Variants in NDUFS1 observed in about 807,000 individuals in gnomAD.
NDUFS1 encodes the protein NADH:ubiquinone oxidoreductase core subunit S1.
Under a neutral mutation model 84.4 loss-of-function variants are expected in NDUFS1, and 61 were observed. The observed-to-expected ratio is 0.72, with a 90% CI of 0.59 to 0.89. The LOEUF is 0.89. Among genes scored for constraint, NDUFS1 ranks in the 40% least tolerant of loss-of-function variants. The pLI is 0.00. For synonymous variants in NDUFS1, 275 were observed against 290.0 expected (o/e 0.95, Z 0.53); for missense variants, 891 against 890.0 (o/e 1.00, Z -0.01).
At chr2:206,134,138 G>A (rs1014514729) in intron 13 of NDUFS1, among the ~76,000 whole-genome samples, 2 of 152,156 alleles carry the variant, frequency 1.3e-5, no homozygotes, top group East Asian at 1.9e-4. Flanking sequence ...AATCACAAGA[G>A]GAATTTGCCA....
At chr2:206,145,365 A>G (rs1038661092) in intron 8 of NDUFS1, among the ~76,000 whole-genome samples, 3 of 152,104 alleles carry the variant, frequency 2.0e-5, no homozygotes, top group Non-Finnish European at 2.9e-5. Context: ...GTCTCAAGCA[A>G]TCCTCCCACC....
chr2:206,134,615 A>G (rs13393316), intron 13 of NDUFS1, among the ~76,000 whole-genome samples: 20,363 of 152,052 alleles, frequency 0.13, 1,551 homozygotes, highest in Admixed American at 0.23. Context: ...GAAAGAAAAC[A>G]TGATTAAATA....
chr2:206,144,783 G>C (rs1051104602), intron 9 of NDUFS1, 109 bp downstream of exon 9: 3 of 1,136,674 alleles, frequency 2.6e-6, no homozygotes, highest in South Asian at 1.4e-5. Context: ...GATTCCAGTA[G>C]TCTATATTCA....
Position 206,119,917 on chromosome 2 carries a change from G to C in NDUFS1, c.*4268C>G, listed in dbSNP as rs936088942. 1 of 152,030 alleles carries C rather than the reference G, an allele frequency of 6.6e-6. No homozygotes were observed. The highest frequency in any genetic ancestry group is 2.4e-5 in the African/African-American group (1 of 41,380). 9.4% of individuals were successfully genotyped at this position (152,030 alleles called of 1,614,324 possible). ...TGTTGAAATGTAACCCCCAATGCTG[G>C]AGGTAGGGCCTCGTGGGAGGTATAG... is the stretch of plus-strand genomic sequence containing the variant. On this transcript the variant is annotated 3_prime_UTR_variant, in exon 19 of 19. Coordinates refer to ENST00000233190, the MANE Select transcript of NDUFS1 (RefSeq NM_005006.7).
chr2:206,158,839 T>TA (rs1236638189), intron 1 of NDUFS1, among the ~76,000 whole-genome samples: 1 of 152,068 alleles, frequency 6.6e-6, no homozygotes, highest in Non-Finnish European at 1.5e-5. Flanking sequence ...GTTAAAGGAA[T>TA]AAAAAAATGC....
rs1253293525 is a variant in NDUFS1, at chr2:206,122,236, A to T, written c.*1949T>A. 6.6e-6 allele frequency: 1 copy of T among 151,926 alleles called. No individual in the cohort carries two copies. Among genetic ancestry groups the T allele is most frequent in the Non-Finnish European group, 1.5e-5 (1 of 68,018 alleles). The allele number at this position is 151,926 out of a possible 1,614,324, so 9.4% of individuals were successfully genotyped here. The stretch of plus-strand genomic sequence containing the variant: ...CTGATCTTCCTGCCTTGAACCCCCA[A>T]AATGCTGGGCTTACAGGTGTGAGCC... On this transcript the variant is annotated 3_prime_UTR_variant, in exon 19 of 19. Transcript: ENST00000233190.
rs987526686 is a variant in NDUFS1, at chr2:206,117,876, C to T, written c.*6309G>A. The T allele has an allele frequency of 6.6e-6, 1 of 151,912 alleles. No individual in the cohort carries two copies. Among genetic ancestry groups the T allele is most frequent in the Admixed American group, 6.6e-5 (1 of 15,234 alleles). 9.4% of individuals were successfully genotyped at this position (151,912 alleles called of 1,614,324 possible). On this transcript the variant is annotated 3_prime_UTR_variant, in exon 19 of 19. Coordinates refer to ENST00000233190, the MANE Select transcript of NDUFS1 (RefSeq NM_005006.7). Reference sequence around the variant, plus strand: ...ATACTAAAATTTTTTTTTGTATAGTCCTTTACAGATCCAAAATTATGATTT... The same window carrying T: ...ATACTAAAATTTTTTTTTGTATAGTTCTTTACAGATCCAAAATTATGATTT...
intron 2 of NDUFS1, among the ~76,000 whole-genome samples, chr2:206,153,252 G>A (rs1692445453): frequency 6.7e-6 from 1 of 149,746 alleles, no homozygotes. Flanking sequence ...CTGGAGTGCA[G>A]TGGTACAATC....
In NDUFS1 at chr2:206,115,809, A is replaced by G; in HGVS notation, c.*8376T>C. 2.4e-6 allele frequency: 1 copy of G among 414,170 alleles called. No homozygotes were observed. 25.7% of individuals were successfully genotyped at this position (414,170 alleles called of 1,614,324 possible). The stretch of plus-strand genomic sequence containing the variant: ...TATAAGGCTTAAGAATAACAACATT[A>G]TCTTTGAATTATGTAATTTTTGTAA... On this transcript the variant is annotated 3_prime_UTR_variant, in exon 19 of 19. Coordinates refer to ENST00000233190, the MANE Select transcript of NDUFS1 (RefSeq NM_005006.7).
chr2:206,154,653 T>A (rs1687562132), intron 1 of NDUFS1, among the ~76,000 whole-genome samples: 1 of 152,188 alleles, frequency 6.6e-6, no homozygotes, highest in Non-Finnish European at 1.5e-5. Flanking sequence ...AGATGGAGTC[T>A]CGCCCTATCA....
rs777763871 is a variant in NDUFS1, at chr2:206,117,117, C to T, written c.*7068G>A. The T allele has an allele frequency of 2.0e-5, 3 of 152,216 alleles. No individual in the cohort carries two copies. Among genetic ancestry groups the T allele is most frequent in the Non-Finnish European group, 4.4e-5 (3 of 68,118 alleles). 9.4% of individuals were successfully genotyped at this position (152,216 alleles called of 1,614,324 possible). Reference sequence around the variant, plus strand: ...GCTGAGGCAGGAGGATTGCTTGATCCAGGGAGGTTGAGGCTGCAGTGAACT... The same window carrying T: ...GCTGAGGCAGGAGGATTGCTTGATCTAGGGAGGTTGAGGCTGCAGTGAACT... On this transcript the variant is annotated 3_prime_UTR_variant, in exon 19 of 19. Coordinates refer to ENST00000233190, the MANE Select transcript of NDUFS1 (RefSeq NM_005006.7).
At chr2:206,159,190 C>A (rs937993056) in intron 1 of NDUFS1, 151 bp downstream of exon 1, 2 of 1,524,574 alleles carry the variant, frequency 1.3e-6, no homozygotes, top group Non-Finnish European at 1.8e-6. Context: ...CATCTGCCGG[C>A]TCTCAGGGGC....
chr2:206,124,295 A>T lies in NDUFS1; in HGVS notation c.2093-19T>A, dbSNP rs1430363879. On this transcript the variant is annotated intron_variant, in intron 18 of 18. Transcript: ENST00000233190. ...ATTGAATCTGAAAGATATTAAGAAA[A>T]TGTCATTTTGATAATACAACTTTTT... 6.4e-7 allele frequency: 1 copy of T among 1,572,164 alleles called. No individual in the cohort carries two copies. Among genetic ancestry groups the T allele is most frequent in the African/African-American group, 1.4e-5 (1 of 73,960 alleles).
intron 9 of NDUFS1, 89 bp from the exon 10 acceptor site, chr2:206,144,221 T>A: frequency 1.0e-6 from 1 of 969,236 alleles, no homozygotes. Flanking sequence ...GTTATTTAAA[T>A]ACAGTACTGG....
rs1040650160 is a variant in NDUFS1, at chr2:206,118,905, T to C, written c.*5280A>G. The C allele has an allele frequency of 6.6e-6, 1 of 152,000 alleles. No homozygotes were observed. The highest frequency in any genetic ancestry group is 2.4e-5 in the African/African-American group (1 of 41,338). 9.4% of individuals were successfully genotyped at this position (152,000 alleles called of 1,614,324 possible). On this transcript the variant is annotated 3_prime_UTR_variant, in exon 19 of 19. Coordinates refer to ENST00000233190, the MANE Select transcript of NDUFS1 (RefSeq NM_005006.7). The stretch of plus-strand genomic sequence containing the variant: ...GAGTTTGAGACCATCCTGCCCAACA[T>C]GGTGAAACCCCGCCTCTACTAAAAA...
rs1410193242 is a variant in NDUFS1 at position 206,147,595 on chromosome 2, T to C, written c.487A>G (p.Lys163Glu). The change falls in exon 7 of 19, where the codon AAG (lysine) becomes GAG (glutamate). Residue 163 changes from lysine to glutamate, a missense_variant. Physicochemically the swap from Lys to Glu is moderately conservative, Grantham distance 56. Transcript: ENST00000233190. Reference sequence around the variant, plus strand: ...GTCTTTACCAATGGCCCAATGTTCTTGTCTTCCACAGCACGCTTCCCCTCT... The same window carrying C: ...GTCTTTACCAATGGCCCAATGTTCTCGTCTTCCACAGCACGCTTCCCCTCT... Reference protein sequence around the residue: ...FLEGKRAVEDKNIGPLVKTIM... With the variant: ...FLEGKRAVEDENIGPLVKTIM... 6.2e-7 allele frequency: 1 copy of C among 1,614,202 alleles called. No individual in the cohort carries two copies. The highest frequency in any genetic ancestry group is 8.5e-7 in the Non-Finnish European group (1 of 1,180,022).
At position 206,130,166 on chromosome 2, in the gene NDUFS1, C is replaced by G. The variant is rs764286995; in HGVS notation, c.1630G>C (p.Val544Leu). 2 of 1,614,088 alleles carry G rather than the reference C, an allele frequency of 1.2e-6. No homozygotes were observed. Among genetic ancestry groups the G allele is most frequent in the South Asian group, 1.1e-5 (1 of 91,086 alleles). ...VEAIRKNPPK[V>L]LFLLGADGGC... ...CCATCTGCTCCCAGGAGAAACAGCA[C>G]CTTGGGAGGGTTCTTCCGAATTGCT... Residue 544 changes from valine (V) to leucine (L), a missense_variant, in exon 15 of 19, where the codon GTG becomes CTG. By Grantham distance (32) the Val-to-Leu change is conservative. Transcript: ENST00000233190.
At position 206,147,067 on chromosome 2, in the gene NDUFS1, T is replaced by C. The variant is rs766518849; in HGVS notation, c.573A>G (p.Gly191=). 2.5e-6 allele frequency: 4 copies of C among 1,614,102 alleles called. No homozygotes were observed. In the Admixed American group the frequency reaches 6.7e-5, roughly 27 times the overall value. Residue 191 remains glycine, a synonymous_variant, in exon 8 of 19, where the codon GGA becomes GGG. Coordinates refer to ENST00000233190, the MANE Select transcript of NDUFS1 (RefSeq NM_005006.7). ...TGCCTGTTGTTCCCAAATCATCTAC[T>C]CCTGCAATCTCACTTGCAAACCTAC... ...RCIRFASEIA[G]VDDLGTTGRG...
chr2:206,155,888 T>A (rs1336159370), intron 1 of NDUFS1, among the ~76,000 whole-genome samples: 1 of 151,998 alleles, frequency 6.6e-6, no homozygotes, highest in African/African-American at 2.4e-5. Flanking sequence ...TTGAGTTTTT[T>A]TTTTTTCCTA....
Sources: gnomAD v4.1 joint callset for allele counts (sites outside exome capture counted in the v4.1 genomes callset) on GRCh38, gnomAD v4.1.1 for gene constraint, MANE v1.5 for transcripts, NCBI Gene and HGNC (gene_info 2026-07-23, HGNC 2026-07-21) for gene names.